Variants in NRXN1 observed in about 807,000 individuals in gnomAD.
NRXN1 encodes the protein neurexin-1.
In NRXN1, 39 loss-of-function variants were observed where a neutral mutation model predicts 150.9. That is an observed-to-expected ratio of 0.26 (90% CI 0.20 to 0.34). The LOEUF is 0.34. Among genes scored for constraint, NRXN1 ranks in the 10% least tolerant of loss-of-function variants. NRXN1 has a pLI of 1.00. For synonymous variants in NRXN1, 924 were observed against 757.0 expected (o/e 1.22, Z -3.62); for missense variants, 1,815 against 1,949.9 (o/e 0.93, Z 1.30).
At chr2:50,878,798 G>A (rs1036700324) in intron 5 of NRXN1, among the ~76,000 whole-genome samples, 12 of 151,916 alleles carry the variant, frequency 7.9e-5, no homozygotes, top group African/African-American at 2.9e-4. Context: ...AATCACCTCT[G>A]CCTGGTAGAG....
intron 14 of NRXN1, among the ~76,000 whole-genome samples, chr2:50,496,399 TTCCC>T (rs1397958823): frequency 6.6e-6 from 1 of 152,168 alleles, no homozygotes; most frequent in Non-Finnish European, 1.5e-5. Context: ...GTTTCCACAA[TTCCC>T]TCCATCCTTT....
At chr2:50,460,678 A>C (rs1251866353) in intron 17 of NRXN1, among the ~76,000 whole-genome samples, 1 of 151,924 alleles carries the variant, frequency 6.6e-6, no homozygotes, top group African/African-American at 2.4e-5. Flanking sequence ...ATTATGCTTT[A>C]TTTTCTGTCC....
intron 19 of NRXN1, among the ~76,000 whole-genome samples, chr2:50,072,767 C>A (rs1386590396): frequency 6.6e-6 from 1 of 152,082 alleles, no homozygotes; most frequent in Non-Finnish European, 1.5e-5. Flanking sequence ...AGTAAAGCTG[C>A]CCTGCAGCAG....
At chr2:50,452,332 A>G (rs1310146159) in intron 17 of NRXN1, among the ~76,000 whole-genome samples, 1 of 152,188 alleles carries the variant, frequency 6.6e-6, no homozygotes, top group Non-Finnish European at 1.5e-5. Flanking sequence ...ATAAGTAAAA[A>G]TAGGTCTGAG....
At chr2:50,362,273 T>C (rs1395271771) in intron 17 of NRXN1, among the ~76,000 whole-genome samples, 2 of 152,034 alleles carry the variant, frequency 1.3e-5, no homozygotes, top group Non-Finnish European at 2.9e-5. Flanking sequence ...GAGAAAGAAA[T>C]AAAGGGTATT....
At chr2:51,019,490 T>C (rs1220835298) in intron 2 of NRXN1, among the ~76,000 whole-genome samples, 1 of 152,250 alleles carries the variant, frequency 6.6e-6, no homozygotes, top group Non-Finnish European at 1.5e-5. Flanking sequence ...GAGAGGCATC[T>C]AGTCCATTTT....
In NRXN1 at chr2:50,473,947, A is replaced by G. The variant is rs142210466; in HGVS notation, c.3071-1476T>C. On this transcript the variant is annotated intron_variant, in intron 15 of 22. Coordinates refer to ENST00000401669, the MANE Select transcript of NRXN1 (RefSeq NM_001330078.2). Reference sequence around the variant, plus strand: ...CATGTGGCATACTCAAAGTCATTCAACGTTAAAAACTGAGAACTTAGGTCC... The same window carrying G: ...CATGTGGCATACTCAAAGTCATTCAGCGTTAAAAACTGAGAACTTAGGTCC... 2.0e-5 allele frequency among the ~76,000 whole-genome samples: 3 copies of G among 152,144 alleles called. No homozygotes were observed. In the East Asian group the frequency reaches 5.8e-4, roughly 29 times the overall value.
chr2:50,379,238 T>A lies in NRXN1; in HGVS notation c.3364+86204A>T, dbSNP rs938315431. On this transcript the variant is annotated intron_variant, in intron 17 of 22. Transcript: ENST00000401669. ...CAAAACTGACCAACTGACTCTTTGTTTCACACATTGAGTGACCCAGGTCAA... is the reference window on the plus strand; with the variant it reads ...CAAAACTGACCAACTGACTCTTTGTATCACACATTGAGTGACCCAGGTCAA... Among the ~76,000 whole-genome samples, 3 of 152,178 alleles carry A rather than the reference T, an allele frequency of 2.0e-5. No individual in the cohort carries two copies. In the South Asian group the frequency reaches 6.2e-4, roughly 31 times the overall value.
chr2:50,799,458 G>C (rs1707284727), intron 5 of NRXN1, among the ~76,000 whole-genome samples: 1 of 152,142 alleles, frequency 6.6e-6, no homozygotes, highest in Admixed American at 6.6e-5. Flanking sequence ...AATCTGAGGT[G>C]GGCTGGGGGA....
At chr2:50,101,015 G>GA (rs1700908670) in intron 18 of NRXN1, among the ~76,000 whole-genome samples, 2 of 152,066 alleles carry the variant, frequency 1.3e-5, no homozygotes, top group African/African-American at 4.8e-5. Context: ...GTTGCTGTAT[G>GA]AAAATCTCAG....
At chr2:50,864,151 A>G (rs1182716555) in intron 5 of NRXN1, among the ~76,000 whole-genome samples, 1 of 152,026 alleles carries the variant, frequency 6.6e-6, no homozygotes, top group African/African-American at 2.4e-5. Context: ...AGGACAGAGG[A>G]CCTTTTCCTT....
intron 15 of NRXN1, among the ~76,000 whole-genome samples, chr2:50,492,225 T>C (rs1024886630): frequency 6.6e-6 from 1 of 152,170 alleles, no homozygotes; most frequent in African/African-American, 2.4e-5. Context: ...ATGTTGCTGC[T>C]TGTACATAAT....
intron 17 of NRXN1, among the ~76,000 whole-genome samples, chr2:50,323,715 C>A (rs888384059): frequency 1.3e-5 from 2 of 152,070 alleles, no homozygotes; most frequent in African/African-American, 4.8e-5. Flanking sequence ...AATACTTGGT[C>A]TAGGTTCCTC....
chr2:50,330,971 C>T (rs1038478153), intron 17 of NRXN1, among the ~76,000 whole-genome samples: 3 of 152,050 alleles, frequency 2.0e-5, no homozygotes, highest in Admixed American at 6.6e-5. Flanking sequence ...CTTTATACTC[C>T]GTTTCTGATT....
intron 17 of NRXN1, among the ~76,000 whole-genome samples, chr2:50,386,603 T>G (rs1487269850): frequency 6.6e-6 from 1 of 152,088 alleles, no homozygotes; most frequent in Non-Finnish European, 1.5e-5. Flanking sequence ...TCAAGCAAAT[T>G]GTGGGGGCAA....
intron 5 of NRXN1, among the ~76,000 whole-genome samples, chr2:50,869,120 G>T (rs1261040803): frequency 6.6e-6 from 1 of 151,544 alleles, no homozygotes; most frequent in Non-Finnish European, 1.5e-5. Context: ...TGATAATATT[G>T]TTTTCTTGCT....
chr2:50,802,576 GAC>G (rs1306529110), intron 5 of NRXN1, among the ~76,000 whole-genome samples: 7 of 142,958 alleles, frequency 4.9e-5, no homozygotes, highest in African/African-American at 7.9e-5. Context: ...GAAGGAGAGA[GAC>G]AGAGAGAAAG....
chr2:50,433,170 T>C (rs890265542), intron 17 of NRXN1, among the ~76,000 whole-genome samples: 10 of 152,244 alleles, frequency 6.6e-5, no homozygotes, highest in Non-Finnish European at 1.5e-4. Context: ...TCCTTGGTAT[T>C]TGATGACTTG....
At chr2:51,009,459 G>A (rs1175107825) in intron 2 of NRXN1, among the ~76,000 whole-genome samples, 1 of 151,852 alleles carries the variant, frequency 6.6e-6, no homozygotes, top group Non-Finnish European at 1.5e-5. Context: ...AATATATCGG[G>A]ACAAAAGGAA....
Sources: allele counts gnomAD v4.1 joint callset (sites outside exome capture counted in the v4.1 genomes callset), GRCh38; gene constraint gnomAD v4.1.1; transcripts MANE v1.5; gene names NCBI Gene and HGNC (gene_info 2026-07-23, HGNC 2026-07-21).